The following ITGA8 variants were observed in gnomAD, a reference collection of about 807,000 sequenced individuals.
ITGA8 encodes integrin subunit alpha 8.
A neutral mutation model predicts 142.3 loss-of-function variants in ITGA8; 91 were observed. The observed-to-expected ratio is 0.64, with a 90% CI of 0.54 to 0.76. ITGA8 has a LOEUF of 0.76. Among genes scored for constraint, ITGA8 ranks in the 30% least tolerant of loss-of-function variants. The pLI is 0.00. For missense variants in ITGA8, 1,406 were observed against 1,327.7 expected, an observed-to-expected ratio of 1.06 and a Z score of -0.92; for synonymous variants, 505 against 485.2, an observed-to-expected ratio of 1.04 and a Z score of -0.54.
chr10:15,658,558 C>G (rs1834228766), intron 10 of ITGA8, among the ~76,000 whole-genome samples: 1 of 152,094 alleles, frequency 6.6e-6, no homozygotes, highest in Admixed American at 6.6e-5. Context: ...TTCTTGTTAG[C>G]CTTCCCTTGC....
intron 20 of ITGA8, among the ~76,000 whole-genome samples, chr10:15,602,547 G>A (rs1250405352): frequency 1.3e-5 from 2 of 152,102 alleles, no homozygotes; most frequent in Admixed American, 6.6e-5. Flanking sequence ...AGACCAGCCT[G>A]GGCCATATAG....
At chr10:15,640,083 G>A (rs1833843739) in intron 13 of ITGA8, among the ~76,000 whole-genome samples, 2 of 152,184 alleles carry the variant, frequency 1.3e-5, no homozygotes, top group South Asian at 4.1e-4. Context: ...GGGGTAGAGG[G>A]CTGGGCAAGA....
chr10:15,719,839 G>GA lies in ITGA8; in HGVS notation c.-69_-68insT, dbSNP rs1564424283. ...CCGAGGACCCCTGCGGGGCAAGGGG[G>GA]GCTGGTGGAATCTGGCGGTCCCCAG... On this transcript the variant is annotated 5_prime_UTR_variant, in exon 1 of 30. Transcript: ENST00000378076. 4 of 1,184,298 alleles carry GA rather than the reference G, an allele frequency of 3.4e-6. No homozygotes were observed. The highest frequency in any genetic ancestry group is 1.6e-5 in the African/African-American group (1 of 62,440). The allele number at this position is 1,184,298 out of a possible 1,614,324, so 73.4% of individuals were successfully genotyped here.
At chr10:15,620,792 A>T (rs1833477333) in intron 13 of ITGA8, among the ~76,000 whole-genome samples, 1 of 152,228 alleles carries the variant, frequency 6.6e-6, no homozygotes, top group Non-Finnish European at 1.5e-5. Flanking sequence ...ATACACACAT[A>T]AGTATAGAAG....
chr10:15,538,282 G>A (rs1484310989), intron 27 of ITGA8, among the ~76,000 whole-genome samples: 4 of 152,136 alleles, frequency 2.6e-5, no homozygotes, highest in Non-Finnish European at 5.9e-5. Flanking sequence ...GGAGGCCAAG[G>A]CAGGTGGATC....
chr10:15,619,783 A>G (rs560578803), intron 13 of ITGA8, among the ~76,000 whole-genome samples: 21 of 152,218 alleles, frequency 1.4e-4, no homozygotes, highest in Non-Finnish European at 2.8e-4. Context: ...TGTAATTACA[A>G]ACTCCAATAT....
At chr10:15,612,970 G>T (rs1054761517) in intron 15 of ITGA8, among the ~76,000 whole-genome samples, 2 of 152,200 alleles carry the variant, frequency 1.3e-5, no homozygotes, top group Admixed American at 6.5e-5. Flanking sequence ...AGACCAGCCT[G>T]ACTAACATAG....
chr10:15,709,828 C>T (rs1439581573), intron 2 of ITGA8, among the ~76,000 whole-genome samples: 1 of 152,148 alleles, frequency 6.6e-6, no homozygotes, highest in African/African-American at 2.4e-5. Context: ...GTGAGACTTA[C>T]ACTGTATCTT....
Position 15,557,931 on chromosome 10 carries a change from C to A in ITGA8, c.2766+143G>T, listed in dbSNP as rs568591340. 1,530 of 1,048,246 alleles carry A rather than the reference C, an allele frequency of 1.5e-3. 2 individuals are homozygous for A. Among genetic ancestry groups the A allele is most frequent in the Non-Finnish European group, 1.9e-3 (1,392 of 729,668 alleles). The allele number at this position is 1,048,246 out of a possible 1,614,324, so 64.9% of individuals were successfully genotyped here. A position where few individuals can be genotyped will look rare whatever the true frequency, so the allele number is the denominator to read the frequency against. The stretch of plus-strand genomic sequence containing the variant: ...TTACAGAAAAGTTGCTTTTCATTCT[C>A]GAGATAAACACTGCCAAACGTTAGG... On this transcript the variant is annotated intron_variant, in intron 26 of 29. Transcript: ENST00000378076.
At chr10:15,669,066 G>C (rs913101972) in intron 8 of ITGA8, among the ~76,000 whole-genome samples, 5 of 152,178 alleles carry the variant, frequency 3.3e-5, no homozygotes, top group Non-Finnish European at 7.3e-5. Context: ...ATGTTGGCCT[G>C]CCTTGATAGA....
chr10:15,585,776 C>G (rs1368201930), intron 23 of ITGA8, among the ~76,000 whole-genome samples: 3 of 152,132 alleles, frequency 2.0e-5, no homozygotes, highest in African/African-American at 4.8e-5. Context: ...TCCCCCGTCT[C>G]TCAGTTGATT....
intron 8 of ITGA8, among the ~76,000 whole-genome samples, chr10:15,668,346 G>A (rs1272865221): frequency 6.6e-6 from 1 of 151,432 alleles, no homozygotes; most frequent in Non-Finnish European, 1.5e-5. Flanking sequence ...TGCAACCCCT[G>A]CCTTTTTTTG....
chr10:15,524,656 T>C (rs1039044511), intron 28 of ITGA8, among the ~76,000 whole-genome samples: 2 of 152,238 alleles, frequency 1.3e-5, no homozygotes, highest in Non-Finnish European at 2.9e-5. Flanking sequence ...CTCCACGCTC[T>C]GTATAGATAA....
Position 15,515,457 on chromosome 10 carries a change from T to C in ITGA8, c.*1701A>G, listed in dbSNP as rs1472050515. On this transcript the variant is annotated 3_prime_UTR_variant, in exon 30 of 30. Transcript: ENST00000378076. ...AGCCAAATGGCTCCTCTCCAGCTTA[T>C]GGCATGACATAAAATTTAGTGTCTG... 6.6e-6 allele frequency: 1 copy of C among 152,244 alleles called. No homozygotes were observed. The highest frequency in any genetic ancestry group is 1.5e-5 in the Non-Finnish European group (1 of 68,046). The allele number at this position is 152,244 out of a possible 1,614,324, so 9.4% of individuals were successfully genotyped here. A position where few individuals can be genotyped will look rare whatever the true frequency, so the allele number is the denominator to read the frequency against.
rs1203635675 is a variant in ITGA8, at chr10:15,694,219, TATC to T, written c.344-6184_344-6182del. On this transcript the variant is annotated intron_variant, in intron 2 of 29. Coordinates refer to ENST00000378076, the MANE Select transcript of ITGA8 (RefSeq NM_003638.3). The stretch of plus-strand genomic sequence containing the variant: ...ATAATATATCATATATATGATAACA[TATC>T]ATATATATGATAATATATCATATAT... Among the ~76,000 whole-genome samples, 116 of 138,284 alleles carry T rather than the reference TATC, an allele frequency of 8.4e-4. 1 individual carries two copies. The highest frequency in any genetic ancestry group is 1.6e-3 in the Admixed American group (21 of 13,208). The allele number at this position is 138,284 out of a possible 152,430, so 90.7% of individuals were successfully genotyped here. A position where few individuals can be genotyped will look rare whatever the true frequency, so the allele number is the denominator to read the frequency against.
intron 2 of ITGA8, among the ~76,000 whole-genome samples, chr10:15,716,585 T>C (rs540328266): frequency 6.6e-6 from 1 of 152,356 alleles, no homozygotes; most frequent in African/African-American, 2.4e-5. Context: ...AAAGCACATC[T>C]TTCAGCATTA....
chr10:15,627,304 C>A (rs1833602237), intron 13 of ITGA8, among the ~76,000 whole-genome samples: 1 of 151,928 alleles, frequency 6.6e-6, no homozygotes, highest in Non-Finnish European at 1.5e-5. Flanking sequence ...TATGCAGCAG[C>A]CCTCAGGCAC....
rs192548823 is a variant in ITGA8, at chr10:15,609,680, T to G, written c.1554-1390A>C. Among the ~76,000 whole-genome samples the G allele has an allele frequency of 2.4e-4, 36 of 152,338 alleles. No homozygotes were observed. The East Asian group carries it at 4.6e-3, about 20-fold the overall frequency. On this transcript the variant is annotated intron_variant, in intron 15 of 29. Coordinates refer to ENST00000378076, the MANE Select transcript of ITGA8 (RefSeq NM_003638.3). ...TTTCAATTTTGTAGTAAGCCTGGCT[T>G]TCAAAATTAGAATTTTTCTGTATCC...
intron 11 of ITGA8, among the ~76,000 whole-genome samples, chr10:15,653,228 G>A (rs1834122314): frequency 6.6e-6 from 1 of 152,090 alleles, no homozygotes; most frequent in South Asian, 2.1e-4. Flanking sequence ...CCTCCCTTAG[G>A]TGTTTCCTTA....
Sources: allele counts gnomAD v4.1 joint callset (sites outside exome capture counted in the v4.1 genomes callset), GRCh38; gene constraint gnomAD v4.1.1; transcripts MANE v1.5; gene names NCBI Gene and HGNC (gene_info 2026-07-23, HGNC 2026-07-21).